THSD7A: variants seen among roughly 807,000 people sequenced by gnomAD.
The protein encoded by THSD7A is thrombospondin type 1 domain containing 7A.
A neutral mutation model predicts 231.3 loss-of-function variants in THSD7A; 96 were observed. That is an observed-to-expected ratio of 0.41 (90% CI 0.35 to 0.49). The LOEUF is 0.49. THSD7A is among the 20% of genes least tolerant of loss of function. The pLI is 0.05. For missense variants in THSD7A, 2,290 were observed against 2,070.2 expected (o/e 1.11, Z -2.06); for synonymous variants, 940 against 743.3 (o/e 1.26, Z -4.30).
intron 1 of THSD7A, among the ~76,000 whole-genome samples, chr7:11,780,611 T>A (rs1485643207): frequency 6.6e-6 from 1 of 152,140 alleles, no homozygotes; most frequent in Non-Finnish European, 1.5e-5. Context: ...TATAGCCCCA[T>A]CTAGGCTCTT....
chr7:11,733,059 G>A (rs1001604893), intron 1 of THSD7A, among the ~76,000 whole-genome samples: 2 of 151,748 alleles, frequency 1.3e-5, no homozygotes, highest in East Asian at 3.9e-4. Context: ...ACAGCCTCTG[G>A]AGATATTTCT....
intron 3 of THSD7A, among the ~76,000 whole-genome samples, chr7:11,591,626 A>G (rs1446133076): frequency 6.6e-6 from 1 of 152,158 alleles, no homozygotes; most frequent in East Asian, 1.9e-4. Flanking sequence ...GTAAAGATGA[A>G]CTTCATGCCT....
intron 4 of THSD7A, among the ~76,000 whole-genome samples, chr7:11,556,430 A>C (rs1402776484): frequency 6.6e-6 from 1 of 151,724 alleles, no homozygotes; most frequent in Non-Finnish European, 1.5e-5. Context: ...AAATTGTTTT[A>C]AATATATCGT....
chr7:11,498,573 C>T (rs760835932), intron 6 of THSD7A, among the ~76,000 whole-genome samples: 13 of 152,108 alleles, frequency 8.5e-5, no homozygotes, highest in Admixed American at 6.5e-5. Context: ...CTGAAGTGAC[C>T]GGGGGCTGAA....
At chr7:11,635,291 G>C (rs143878218) in intron 2 of THSD7A, among the ~76,000 whole-genome samples, 123 of 152,132 alleles carry the variant, frequency 8.1e-4, no homozygotes, top group Non-Finnish European at 1.6e-3. Flanking sequence ...AATCATAACT[G>C]CATAAATATT....
intron 1 of THSD7A, among the ~76,000 whole-genome samples, chr7:11,784,928 A>G (rs13232201): frequency 0.29 from 43,731 of 152,022 alleles, 7,043 homozygotes; most frequent in East Asian, 0.43. Flanking sequence ...AAATTAATTT[A>G]TCACCTTAGA....
chr7:11,668,855 A>G (rs1214699165), intron 1 of THSD7A, among the ~76,000 whole-genome samples: 1 of 152,174 alleles, frequency 6.6e-6, no homozygotes, highest in Non-Finnish European at 1.5e-5. Flanking sequence ...GCTGGGCGCT[A>G]CTGGTTACTA....
At chr7:11,394,453 C>A (rs980285575) in intron 23 of THSD7A, among the ~76,000 whole-genome samples, 1 of 152,048 alleles carries the variant, frequency 6.6e-6, no homozygotes, top group African/African-American at 2.4e-5. Context: ...AGCAGGCCTT[C>A]GGAAAGGTGC....
At chr7:11,732,074 A>G (rs1232638839) in intron 1 of THSD7A, among the ~76,000 whole-genome samples, 2 of 151,718 alleles carry the variant, frequency 1.3e-5, no homozygotes, top group East Asian at 3.9e-4. Context: ...GATTTAAAAA[A>G]ATGTTTCTCT....
chr7:11,625,851 T>C (rs1781458703), intron 2 of THSD7A, among the ~76,000 whole-genome samples: 1 of 152,226 alleles, frequency 6.6e-6, no homozygotes, highest in East Asian at 1.9e-4. Context: ...GCCAGTAGAA[T>C]TCCAGCAAAT....
In THSD7A at chr7:11,753,319, C is replaced by T. The variant is rs143341806; in HGVS notation, c.190+78438G>A. Among the ~76,000 whole-genome samples, 964 of 152,128 alleles carry T rather than the reference C, an allele frequency of 6.3e-3. 9 individuals carry two copies. The highest frequency in any genetic ancestry group is 0.022 in the African/African-American group (922 of 41,536). On this transcript the variant is annotated intron_variant, in intron 1 of 27. Coordinates refer to ENST00000423059, the MANE Select transcript of THSD7A (RefSeq NM_015204.3). ...TTTTGCAGTGTTGTAGTTTTCAAAA[C>T]TAGAGATTCTGAAGTCAAATTGTAA...
intron 1 of THSD7A, among the ~76,000 whole-genome samples, chr7:11,811,772 A>G (rs974479636): frequency 2.0e-5 from 3 of 152,304 alleles, no homozygotes; most frequent in African/African-American, 7.2e-5. Flanking sequence ...CTGCCTGTGG[A>G]CAAATATAAT....
intron 1 of THSD7A, among the ~76,000 whole-genome samples, chr7:11,719,990 T>C (rs958864019): frequency 2.0e-5 from 3 of 151,818 alleles, no homozygotes; most frequent in African/African-American, 7.2e-5. Flanking sequence ...AAGTATTGGT[T>C]TATCTCAGAA....
chr7:11,789,162 A>G (rs2128177317), intron 1 of THSD7A, among the ~76,000 whole-genome samples: 1 of 152,044 alleles, frequency 6.6e-6, no homozygotes, highest in East Asian at 1.9e-4. Flanking sequence ...AGCAGAAGGA[A>G]TTGCAAAGTG....
intron 6 of THSD7A, among the ~76,000 whole-genome samples, chr7:11,486,650 A>G (rs920731746): frequency 6.6e-6 from 1 of 152,176 alleles, no homozygotes; most frequent in African/African-American, 2.4e-5. Flanking sequence ...CTAGATTTTG[A>G]CTGTGATGTC....
At chr7:11,746,335 T>G (rs1033854125) in intron 1 of THSD7A, among the ~76,000 whole-genome samples, 1 of 151,908 alleles carries the variant, frequency 6.6e-6, no homozygotes, top group Non-Finnish European at 1.5e-5. Flanking sequence ...CACTGGTATA[T>G]TACTATTAAC....
At chr7:11,422,096 T>C (rs1452762513) in intron 16 of THSD7A, among the ~76,000 whole-genome samples, 1 of 151,970 alleles carries the variant, frequency 6.6e-6, no homozygotes, top group African/African-American at 2.4e-5. Context: ...AAGGGTTGAG[T>C]CAGAAGCCCA....
chr7:11,596,021 C>T (rs1244374579), intron 2 of THSD7A, among the ~76,000 whole-genome samples: 1 of 152,188 alleles, frequency 6.6e-6, no homozygotes, highest in Non-Finnish European at 1.5e-5. Context: ...ACTTCTAGGT[C>T]AAATGGACAA....
chr7:11,719,237 A>AGACT (rs1562501132), intron 1 of THSD7A, among the ~76,000 whole-genome samples: 1 of 151,432 alleles, frequency 6.6e-6, no homozygotes, highest in African/African-American at 2.4e-5. Flanking sequence ...AACTAAAACT[A>AGACT]GACTGTCTCA....
Sources: gnomAD v4.1 joint callset for allele counts (sites outside exome capture counted in the v4.1 genomes callset) on GRCh38, gnomAD v4.1.1 for gene constraint, MANE v1.5 for transcripts, NCBI Gene and HGNC (gene_info 2026-07-23, HGNC 2026-07-21) for gene names.